The following KDM5B variants were observed in gnomAD, a reference collection of about 807,000 sequenced individuals.
The protein encoded by KDM5B is lysine-specific demethylase 5B.
Under a neutral mutation model 193.4 loss-of-function variants are expected in KDM5B, and 144 were observed. The ratio of observed to expected loss-of-function variants is 0.74; its 90% CI spans 0.65 to 0.86. KDM5B has a LOEUF of 0.86. Ranked by LOEUF, KDM5B falls within the 40% of genes least tolerant of loss-of-function variation. The pLI is 0.00. For synonymous variants in KDM5B, 668 were observed against 682.6 expected, an observed-to-expected ratio of 0.98 and a Z score of 0.33; for missense variants, 1,833 against 1,886.9, an observed-to-expected ratio of 0.97 and a Z score of 0.53.
Position 202,760,485 on chromosome 1 carries a change from G to C in KDM5B, c.1007C>G (p.Thr336Ser). 6.2e-7 allele frequency: 1 copy of C among 1,613,472 alleles called. No individual in the cohort carries two copies. Among genetic ancestry groups the C allele is most frequent in the Non-Finnish European group, 8.5e-7 (1 of 1,179,642 alleles). ...LCDGCDDSYH[T>S]FCLIPPLHDV... ...ATGGAGAGGTGGGATCAAGCAAAAG[G>C]TATGGTAACTGTCATCACAGCCATC... Residue 336 changes from threonine to serine, a missense_variant, in exon 8 of 27, where the codon ACC (threonine) becomes AGC (serine). This residue lies in a region of KDM5B where 99 missense variants were observed against 162.4 expected (regional missense o/e 0.61). Transcript: ENST00000367265.
intron 14 of KDM5B, 127 bp from the exon 15 acceptor site, chr1:202,746,450 T>G: frequency 8.5e-6 from 5 of 590,748 alleles, no homozygotes; most frequent in Non-Finnish European, 1.4e-5. Context: ...GATGCATGAT[T>G]AAAAATGTGT....
Position 202,756,485 on chromosome 1 carries a change from A to C in KDM5B, c.1229T>G (p.Phe410Cys). 6.2e-7 allele frequency: 1 copy of C among 1,608,390 alleles called. No homozygotes were observed. ...CTCAATAGTGCTTACTAGTCTCCAA[A>C]ATTCTTTCTCAACAAGCTCTGTGGG... ...MVPTELVEKE[F>C]WRLVSTIEED... Residue 410 changes from phenylalanine (F) to cysteine (C), a missense_variant, in exon 10 of 27, where the codon TTT (phenylalanine) becomes TGT (cysteine). This residue lies in a region of KDM5B where 99 missense variants were observed against 162.4 expected (regional missense o/e 0.61). Coordinates refer to ENST00000367265, the MANE Select transcript of KDM5B (RefSeq NM_006618.5).
chr1:202,766,848 G>A (rs1460903549), intron 5 of KDM5B, 78 bp downstream of exon 5: 4 of 1,442,666 alleles, frequency 2.8e-6, no homozygotes, highest in Non-Finnish European at 3.7e-6. Flanking sequence ...GCACACACAT[G>A]AGAGAAATCC....
rs1204702701 is a variant in KDM5B at position 202,727,269 on chromosome 1, T to C, written c.*1767A>G. 1 of 152,222 alleles carries C rather than the reference T, an allele frequency of 6.6e-6. No homozygotes were observed. Among genetic ancestry groups the C allele is most frequent in the Non-Finnish European group, 1.5e-5 (1 of 68,064 alleles). The allele number at this position is 152,222 out of a possible 1,614,324, so 9.4% of individuals were successfully genotyped here. A position where few individuals can be genotyped will look rare whatever the true frequency, so the allele number is the denominator to read the frequency against. ...GGGTGATGGAGGGGATTCTAAGAAT[T>C]TGAATACTAACAAGGCCAAACCACG... On this transcript the variant is annotated 3_prime_UTR_variant, in exon 27 of 27. Coordinates refer to ENST00000367265, the MANE Select transcript of KDM5B (RefSeq NM_006618.5).
At position 202,741,493 on chromosome 1, in the gene KDM5B, C is replaced by T. The variant is rs368783569; in HGVS notation, c.2819G>A (p.Arg940His). 4 of 1,614,092 alleles carry T rather than the reference C, an allele frequency of 2.5e-6. No individual in the cohort carries two copies. Among genetic ancestry groups the T allele is most frequent in the South Asian group, 1.1e-5 (1 of 91,086 alleles). The stretch of plus-strand genomic sequence containing the variant: ...CAGCCCTACCCCTAGGTCTATGAGA[C>T]GTCTCATATCATCTAAAGTAAGGGA... The part of the protein sequence containing the change: ...PSSLTLDDMR[R>H]LIDLGVGLAP... The change falls in exon 19 of 27, where the codon CGT becomes CAT. Residue 940 changes from arginine (R) to histidine (H), a missense_variant. Arg to His is a conservative substitution (Grantham distance 29). Transcript: ENST00000367265.
At chr1:202,799,610 G>C (rs910681511) in intron 1 of KDM5B, among the ~76,000 whole-genome samples, 1 of 149,480 alleles carries the variant, frequency 6.7e-6, no homozygotes, top group African/African-American at 2.5e-5. Flanking sequence ...CCGAGATCAC[G>C]CCACTGCATG....
chr1:202,740,127 G>T (rs78898815), intron 20 of KDM5B, among the ~76,000 whole-genome samples: 1 of 138,788 alleles, frequency 7.2e-6, no homozygotes, highest in Non-Finnish European at 1.6e-5. Flanking sequence ...CCTCCCTCCC[G>T]GACGGGGCGG....
chr1:202,740,651 T>C, intron 20 of KDM5B, 23 bp downstream of exon 20: 3 of 1,600,460 alleles, frequency 1.9e-6, no homozygotes, highest in Non-Finnish European at 2.6e-6. Context: ...TTACACATTC[T>C]GTATATACTT....
rs1455637625 is a variant in KDM5B, at chr1:202,726,518, C to CT, written c.*2517dup. The CT allele has an allele frequency of 4.6e-5, 7 of 152,216 alleles. No homozygotes were observed. Among genetic ancestry groups the CT allele is most frequent in the African/African-American group, 1.2e-4 (5 of 41,462 alleles). The allele number at this position is 152,216 out of a possible 1,614,324, so 9.4% of individuals were successfully genotyped here. ...GGAAGGCACACCTCATCTACCCTTT[C>CT]TTTCTTTACCCACTGACCCTCCTTC... On this transcript the variant is annotated 3_prime_UTR_variant, in exon 27 of 27. Transcript: ENST00000367265.
chr1:202,763,066 T>C (rs570435114), intron 6 of KDM5B, among the ~76,000 whole-genome samples: 2 of 152,346 alleles, frequency 1.3e-5, no homozygotes, highest in African/African-American at 4.8e-5. Flanking sequence ...GCTTTCAAAA[T>C]AGGAATTAGT....
chr1:202,762,908 G>A, intron 6 of KDM5B, 100 bp from the exon 7 acceptor site: 1 of 710,630 alleles, frequency 1.4e-6, no homozygotes, highest in Non-Finnish European at 2.5e-6. Context: ...ATAATTTCAT[G>A]TGTGTTTTCA....
chr1:202,767,993 A>T (rs180810859), intron 4 of KDM5B, among the ~76,000 whole-genome samples: 138 of 152,344 alleles, frequency 9.1e-4, no homozygotes, highest in Non-Finnish European at 1.3e-3. Flanking sequence ...ATAACTAGCA[A>T]AGTTATCATC....
rs1654697035 is a variant in KDM5B, at chr1:202,727,044, G to A, written c.*1992C>T. 6.6e-6 allele frequency: 1 copy of A among 152,060 alleles called. No homozygotes were observed. Among genetic ancestry groups the A allele is most frequent in the African/African-American group, 2.4e-5 (1 of 41,396 alleles). 9.4% of individuals were successfully genotyped at this position (152,060 alleles called of 1,614,324 possible). A position where few individuals can be genotyped will look rare whatever the true frequency, so the allele number is the denominator to read the frequency against. On this transcript the variant is annotated 3_prime_UTR_variant, in exon 27 of 27. Transcript: ENST00000367265. ...ACAAAGATCTGACTTCCTCAAAGAT[G>A]CTATTGTCAGGGACTGTGTACCACC... is the stretch of plus-strand genomic sequence containing the variant.
chr1:202,749,067 T>C lies in KDM5B; in HGVS notation c.1894A>G (p.Met632Val), dbSNP rs750512874. The change falls in exon 14 of 27, where the codon ATG (methionine) becomes GTG (valine). Residue 632 changes from methionine (M) to valine (V), a missense_variant. By Grantham distance (21) the Met-to-Val change is conservative. Coordinates refer to ENST00000367265, the MANE Select transcript of KDM5B (RefSeq NM_006618.5). Reference sequence around the variant, plus strand: ...GCCTTGGAAGCCATCTTGCAGATCATCTCATCGTGGGAAAACACACAATAT... The same window carrying C: ...GCCTTGGAAGCCATCTTGCAGATCACCTCATCGTGGGAAAACACACAATAT... ...HRYCVFSHDE[M>V]ICKMASKADV... 6.2e-7 allele frequency: 1 copy of C among 1,614,168 alleles called. No individual in the cohort carries two copies. The highest frequency in any genetic ancestry group is 1.1e-5 in the South Asian group (1 of 91,088).
At chr1:202,803,750 C>T (rs1658173889) in intron 1 of KDM5B, among the ~76,000 whole-genome samples, 1 of 151,600 alleles carries the variant, frequency 6.6e-6, no homozygotes, top group Non-Finnish European at 1.5e-5. Context: ...ACCCGGGAGG[C>T]GGATGTTGCA....
chr1:202,805,141 T>C (rs1658241174), intron 1 of KDM5B, among the ~76,000 whole-genome samples: 1 of 152,168 alleles, frequency 6.6e-6, no homozygotes, highest in Non-Finnish European at 1.5e-5. Context: ...AAATTTGCAT[T>C]TTAAAGGTGA....
In KDM5B at chr1:202,808,180, G is replaced by A. The variant is rs1456096777; in HGVS notation, c.126C>T (p.Phe42=). ...TGTGGATGAAAGCGAAGGGGTCCGC[G>A]AACTCTTCCCAGCTGGGTTCGAAGA... is the stretch of plus-strand genomic sequence containing the variant. ...CPVFEPSWEE[F]ADPFAFIHKI... is the part of the protein sequence containing the mutation. The change falls in exon 1 of 27, where the codon TTC becomes TTT. Residue 42 remains phenylalanine (F), a synonymous_variant. Coordinates refer to ENST00000367265, the MANE Select transcript of KDM5B (RefSeq NM_006618.5). 7 of 1,613,210 alleles carry A rather than the reference G, an allele frequency of 4.3e-6. No individual in the cohort carries two copies. The highest frequency in any genetic ancestry group is 5.9e-6 in the Non-Finnish European group (7 of 1,179,598).
chr1:202,740,065 C>T (rs1655249718), intron 20 of KDM5B, among the ~76,000 whole-genome samples: 2 of 152,036 alleles, frequency 1.3e-5, no homozygotes, highest in Non-Finnish European at 2.9e-5. Context: ...GCAGAGGCGC[C>T]CCTCACCTCC....
At chr1:202,789,909 C>T (rs1657574608) in intron 1 of KDM5B, among the ~76,000 whole-genome samples, 2 of 152,026 alleles carry the variant, frequency 1.3e-5, no homozygotes, top group Non-Finnish European at 2.9e-5. Flanking sequence ...GCCTGGGAAA[C>T]ACAAGACCTC....
Sources: gnomAD v4.1 joint callset for allele counts (sites outside exome capture counted in the v4.1 genomes callset) on GRCh38, gnomAD v4.1.1 for gene constraint, gnomAD v4.1.1 regional missense constraint, MANE v1.5 for transcripts, NCBI Gene and HGNC (gene_info 2026-07-23, HGNC 2026-07-21) for gene names.